The following BRPF3 variants were observed in gnomAD, a reference collection of about 807,000 sequenced individuals.
BRPF3 encodes the protein bromodomain and PHD finger containing 3, also known as bromodomain and PHD finger-containing protein 3.
BRPF3 carries 18 observed loss-of-function variants against 102.0 expected under a neutral mutation model. That is an observed-to-expected ratio of 0.18 (90% CI 0.12 to 0.26). BRPF3 has a LOEUF of 0.26. BRPF3 is among the 10% of genes least tolerant of loss of function. BRPF3 has a pLI of 1.00. For synonymous variants in BRPF3, 570 were observed against 614.2 expected (o/e 0.93, Z 1.06); for missense variants, 1,147 against 1,567.8 (o/e 0.73, Z 4.53).
chr6:36,228,552 G>A lies in BRPF3; in HGVS notation c.3280-350G>A, dbSNP rs754183270. 5.3e-5 allele frequency among the ~76,000 whole-genome samples: 8 copies of A among 152,200 alleles called. No individual in the cohort carries two copies. The East Asian group carries it at 1.5e-3, about 29-fold the overall frequency. On this transcript the variant is annotated intron_variant, in intron 11 of 12. Transcript: ENST00000357641. Reference sequence around the variant, plus strand: ...GGTCCATGTATCAGGAAGGATTGTAGTCAGACAGGAAGGTAGTGGGTAACC... The same window carrying A: ...GGTCCATGTATCAGGAAGGATTGTAATCAGACAGGAAGGTAGTGGGTAACC...
chr6:36,211,441 C>T lies in BRPF3; in HGVS notation c.2363C>T (p.Pro788Leu). 6.2e-7 allele frequency: 1 copy of T among 1,609,824 alleles called. No individual in the cohort carries two copies. Among genetic ancestry groups the T allele is most frequent in the Non-Finnish European group, 8.5e-7 (1 of 1,178,320 alleles). ...LRQKLAQPPP[P>L]QPPSLNKTVS... is the part of the protein sequence containing the mutation. ...CAGAAGCTGGCACAGCCACCACCACCACAGCCACCATCACTCAACAAGACA... is the reference window on the plus strand; with the variant it reads ...CAGAAGCTGGCACAGCCACCACCACTACAGCCACCATCACTCAACAAGACA... The change falls in exon 7 of 13, where the codon CCA (proline) becomes CTA (leucine). Residue 788 changes from proline to leucine, a missense_variant. By Grantham distance (98) the Pro-to-Leu change is moderately conservative. Transcript: ENST00000357641.
intron 9 of BRPF3, among the ~76,000 whole-genome samples, chr6:36,221,581 A>T (rs1169774435): frequency 6.6e-6 from 1 of 152,152 alleles, no homozygotes; most frequent in East Asian, 1.9e-4. Flanking sequence ...CACCACACCC[A>T]GCCCACTTTT....
In BRPF3 at chr6:36,211,444, A is replaced by G. The variant is rs1371881139; in HGVS notation, c.2366A>G (p.Gln789Arg). 2 of 1,609,162 alleles carry G rather than the reference A, an allele frequency of 1.2e-6. No homozygotes were observed. The highest frequency in any genetic ancestry group is 2.7e-5 in the African/African-American group (2 of 74,882). ...AAGCTGGCACAGCCACCACCACCAC[A>G]GCCACCATCACTCAACAAGACAGTA... The part of the protein sequence containing the change: ...RQKLAQPPPP[Q>R]PPSLNKTVSN... The change falls in exon 7 of 13, where the codon CAG becomes CGG. Residue 789 changes from glutamine to arginine, a missense_variant. This residue lies in a region of BRPF3 where 379 missense variants were observed against 426.3 expected (regional missense o/e 0.89). Coordinates refer to ENST00000357641, the MANE Select transcript of BRPF3 (RefSeq NM_015695.3).
chr6:36,207,368 A>T lies in BRPF3; in HGVS notation c.1661A>T (p.Lys554Met), dbSNP rs2127281036. ...AAGGAGGAGCTGAAGTATTGGCAGA[A>T]GCTCCGGCATGACTTGGAGCGGGCG... ...AVKEELKYWQ[K>M]LRHDLERARL... The change falls in exon 4 of 13, where the codon AAG becomes ATG. Residue 554 changes from lysine (K) to methionine (M), a missense_variant. By Grantham distance (95) the Lys-to-Met change is moderately conservative (BLOSUM62 -1). Transcript: ENST00000357641. 6.2e-7 allele frequency: 1 copy of T among 1,614,118 alleles called. No individual in the cohort carries two copies. Among genetic ancestry groups the T allele is most frequent in the Non-Finnish European group, 8.5e-7 (1 of 1,179,998 alleles).
chr6:36,215,564 T>G (rs1181160750), intron 8 of BRPF3, among the ~76,000 whole-genome samples: 1 of 152,138 alleles, frequency 6.6e-6, no homozygotes, highest in African/African-American at 2.4e-5. Context: ...TGGTGGACAG[T>G]ATGTTGTTAT....
At chr6:36,217,302 A>G (rs1263639752) in intron 8 of BRPF3, among the ~76,000 whole-genome samples, 2 of 152,172 alleles carry the variant, frequency 1.3e-5, no homozygotes, top group African/African-American at 2.4e-5. Context: ...TCTCCCTCCC[A>G]GGAAGTTCCG....
intron 12 of BRPF3, among the ~76,000 whole-genome samples, chr6:36,229,839 C>G (rs1316139426): frequency 6.6e-6 from 1 of 152,102 alleles, no homozygotes; most frequent in Non-Finnish European, 1.5e-5. Context: ...TCATTAATCC[C>G]CTCATAATCC....
chr6:36,213,716 A>C (rs1281349562), intron 7 of BRPF3, 164 bp from the exon 8 acceptor site: 17 of 795,158 alleles, frequency 2.1e-5, no homozygotes, highest in Non-Finnish European at 2.6e-5. Context: ...AAAAAAAAAA[A>C]AACCTAATCC....
intron 11 of BRPF3, among the ~76,000 whole-genome samples, chr6:36,227,306 G>T (rs541149130): frequency 2.5e-4 from 38 of 151,888 alleles, no homozygotes; most frequent in African/African-American, 8.9e-4. Context: ...AAATAGAGGC[G>T]AAAAAACACA....
intron 1 of BRPF3, among the ~76,000 whole-genome samples, chr6:36,198,196 A>G (rs1767573852): frequency 6.6e-6 from 1 of 152,198 alleles, no homozygotes; most frequent in South Asian, 2.1e-4. Flanking sequence ...CCCGCCTGGC[A>G]CTGCTCCTCA....
In BRPF3 at chr6:36,232,602, A is replaced by G. The variant is rs1768971502; in HGVS notation, c.*1993A>G. ...TGTCGCGTCTGCTGTGAAGCACATGATGCTCTATTTATTGTAGAGAGTGAC... is the reference window on the plus strand; with the variant it reads ...TGTCGCGTCTGCTGTGAAGCACATGGTGCTCTATTTATTGTAGAGAGTGAC... On this transcript the variant is annotated 3_prime_UTR_variant, in exon 13 of 13. Transcript: ENST00000357641. The G allele has an allele frequency of 6.6e-6, 1 of 152,668 alleles. No homozygotes were observed. Among genetic ancestry groups the G allele is most frequent in the South Asian group, 2.1e-4 (1 of 4,834 alleles). 9.5% of individuals were successfully genotyped at this position (152,668 alleles called of 1,614,324 possible). A position where few individuals can be genotyped will look rare whatever the true frequency, so the allele number is the denominator to read the frequency against.
At position 36,211,550 on chromosome 6, in the gene BRPF3, T is replaced by C. The variant is rs1768113451; in HGVS notation, c.2472T>C (p.Asp824=). 1.9e-6 allele frequency: 3 copies of C among 1,553,332 alleles called. No homozygotes were observed. The highest frequency in any genetic ancestry group is 2.4e-5 in the South Asian group (2 of 84,330). ...EQALQEEPED[D]GDRDDSKLPP... ...CCTTGCAGGAGGAGCCAGAAGACGA[T>C]GGGGACAGAGGTGAGAGATAGTCAC... is the stretch of plus-strand genomic sequence containing the variant. The change falls in exon 7 of 13, where the codon GAT becomes GAC. Residue 824 remains aspartate (D), a synonymous_variant. Coordinates refer to ENST00000357641, the MANE Select transcript of BRPF3 (RefSeq NM_015695.3).
chr6:36,209,272 C>T (rs1184578314), intron 4 of BRPF3, among the ~76,000 whole-genome samples: 1 of 152,124 alleles, frequency 6.6e-6, no homozygotes, highest in Admixed American at 6.5e-5. Context: ...AATACAAGTA[C>T]AGAGTTAGTG....
intron 10 of BRPF3, among the ~76,000 whole-genome samples, chr6:36,222,646 G>A (rs1233425443): frequency 1.3e-5 from 2 of 152,120 alleles, no homozygotes; most frequent in African/African-American, 4.8e-5. Flanking sequence ...GAGTGGAGAA[G>A]CCTAATATGC....
intron 1 of BRPF3, among the ~76,000 whole-genome samples, chr6:36,199,108 C>T (rs1767604819): frequency 6.6e-6 from 1 of 152,152 alleles, no homozygotes; most frequent in Non-Finnish European, 1.5e-5. Flanking sequence ...CAGGGGTTCC[C>T]AACCCCCAGG....
intron 3 of BRPF3, 142 bp from the exon 4 acceptor site, chr6:36,207,171 A>C: frequency 1.0e-6 from 1 of 979,702 alleles, no homozygotes; most frequent in Non-Finnish European, 1.5e-6. Flanking sequence ...GGCATGGGGT[A>C]GAGAGGGGTG....
intron 2 of BRPF3, chr6:36,204,270 T>G: frequency 4.3e-6 from 1 of 230,966 alleles, no homozygotes; most frequent in South Asian, 5.3e-5. Flanking sequence ...AGTGGCCACA[T>G]TAACCATAGC....
chr6:36,201,808 TTTC>T lies in BRPF3; in HGVS notation c.1448+44_1448+46del, dbSNP rs755067208. 27 of 1,546,282 alleles carry T rather than the reference TTTC, an allele frequency of 1.7e-5. No homozygotes were observed. The highest frequency in any genetic ancestry group is 2.4e-5 in the Non-Finnish European group (27 of 1,148,262). ...AGAAGGGCTCCTTAGGGACTCATGG[TTTC>T]TTCTTGGGTTGGTGTTGGCCCTGTG... is the stretch of plus-strand genomic sequence containing the variant. On this transcript the variant is annotated intron_variant, in intron 2 of 12. Transcript: ENST00000357641. The surrounding 1 kb of genome is among the most constrained non-coding windows in gnomAD (Gnocchi z 5.1).
chr6:36,197,297 G>A (rs1418813359), intron 1 of BRPF3: 2 of 152,156 alleles, frequency 1.3e-5, no homozygotes, highest in Non-Finnish European at 2.9e-5. Context: ...GCGGCCCTAG[G>A]TCCCCTGGGT....
Sources: gnomAD v4.1 joint callset for allele counts (sites outside exome capture counted in the v4.1 genomes callset) on GRCh38, gnomAD v4.1.1 for gene constraint, gnomAD v4.1.1 regional missense constraint, Gnocchi (gnomAD v3.1) non-coding constraint, MANE v1.5 for transcripts, NCBI Gene and HGNC (gene_info 2026-07-23, HGNC 2026-07-21) for gene names.